Variants in KIRREL3 observed in about 807,000 individuals in gnomAD.
KIRREL3 encodes the protein kin of IRRE-like protein 3.
Under a neutral mutation model 89.7 loss-of-function variants are expected in KIRREL3, and 36 were observed. That is an observed-to-expected ratio of 0.40 (90% CI 0.31 to 0.53). The LOEUF is 0.53. Among genes scored for constraint, KIRREL3 ranks in the 20% least tolerant of loss-of-function variants. KIRREL3 has a pLI of 0.49. For missense variants in KIRREL3, 864 were observed against 1,056.6 expected, an observed-to-expected ratio of 0.82 and a Z score of 2.53; for synonymous variants, 445 against 441.4, an observed-to-expected ratio of 1.01 and a Z score of -0.10.
rs1458105635 is a variant in KIRREL3, at chr11:126,867,165, G to T, written c.55+133290C>A. On this transcript the variant is annotated intron_variant, in intron 1 of 16. Coordinates refer to ENST00000525144, the MANE Select transcript of KIRREL3 (RefSeq NM_032531.4). This position sits in a 1 kb window ranked among gnomAD's most constrained non-coding sequence, Gnocchi z 4.7. ...GCCCAAAAAACGTTCCCCACAATCT[G>T]CCTGTCTGCCTGCTCCCCCCAGGGG... 6.6e-6 allele frequency among the ~76,000 whole-genome samples: 1 copy of T among 152,206 alleles called. No homozygotes were observed. The highest frequency in any genetic ancestry group is 2.4e-5 in the African/African-American group (1 of 41,452).
rs1939858088 is a variant in KIRREL3, at chr11:126,558,318, C to T, written c.133+4517G>A. Among the ~76,000 whole-genome samples the T allele has an allele frequency of 1.3e-5, 2 of 152,240 alleles. No homozygotes were observed. The highest frequency in any genetic ancestry group is 4.8e-5 in the African/African-American group (2 of 41,472). On this transcript the variant is annotated intron_variant, in intron 2 of 16. Coordinates refer to ENST00000525144, the MANE Select transcript of KIRREL3 (RefSeq NM_032531.4). This position sits in a 1 kb window ranked among gnomAD's most constrained non-coding sequence, Gnocchi z 4.0. The stretch of plus-strand genomic sequence containing the variant: ...CTGTGTCCCTCACTCCAGGTCTCCC[C>T]TGATTTTCTGCAAATCAACTCAAGT...
At position 126,837,495 on chromosome 11, in the gene KIRREL3, C is replaced by A. The variant is rs1464567366; in HGVS notation, c.55+162960G>T. On this transcript the variant is annotated intron_variant, in intron 1 of 16. Coordinates refer to ENST00000525144, the MANE Select transcript of KIRREL3 (RefSeq NM_032531.4). This position sits in a 1 kb window ranked among gnomAD's most constrained non-coding sequence, Gnocchi z 4.7. ...AGTCTCTATCATGGAATTACTTCCACAATAATTACGAGGGAATCGGATCTT... is the reference window on the plus strand; with the variant it reads ...AGTCTCTATCATGGAATTACTTCCAAAATAATTACGAGGGAATCGGATCTT... 6.6e-6 allele frequency among the ~76,000 whole-genome samples: 1 copy of A among 152,148 alleles called. No individual in the cohort carries two copies. Among genetic ancestry groups the A allele is most frequent in the Non-Finnish European group, 1.5e-5 (1 of 68,024 alleles).
At chr11:126,618,162 C>T (rs962594668) in intron 1 of KIRREL3, among the ~76,000 whole-genome samples, 2 of 152,192 alleles carry the variant, frequency 1.3e-5, no homozygotes, top group Non-Finnish European at 1.5e-5. Flanking sequence ...TGAGACATCT[C>T]GCTTCTCCTA....
intron 1 of KIRREL3, among the ~76,000 whole-genome samples, chr11:126,737,801 C>T (rs1045631204): frequency 7.9e-5 from 12 of 152,154 alleles, no homozygotes; most frequent in Non-Finnish European, 1.8e-4. Context: ...AAGTATACAA[C>T]ATGTAATGGT....
chr11:126,448,966 T>C (rs1400490780), intron 8 of KIRREL3, 43 bp downstream of exon 8: 2 of 1,560,842 alleles, frequency 1.3e-6, no homozygotes, highest in Non-Finnish European at 1.7e-6. Context: ...CAGAAACCAG[T>C]GGATGCCTGC....
In KIRREL3 at chr11:126,568,327, T is replaced by A. The variant is rs115465970; in HGVS notation, c.56-5415A>T. 6.4e-3 allele frequency among the ~76,000 whole-genome samples: 960 copies of A among 150,344 alleles called. 16 individuals carry two copies. Among genetic ancestry groups the A allele is most frequent in the African/African-American group, 0.022 (916 of 41,504 alleles). ...ATGAGCTCAGAGAAGGGAGGCTGGC[T>A]GGGAGACCGCTGCCATACTCCAGGT... On this transcript the variant is annotated intron_variant, in intron 1 of 16. Transcript: ENST00000525144. This position sits in a 1 kb window ranked among gnomAD's most constrained non-coding sequence, Gnocchi z 4.6.
chr11:126,990,106 T>G lies in KIRREL3; in HGVS notation c.55+10349A>C, dbSNP rs866683269. Among the ~76,000 whole-genome samples, 11 of 152,054 alleles carry G rather than the reference T, an allele frequency of 7.2e-5. No individual in the cohort carries two copies. Among genetic ancestry groups the G allele is most frequent in the Admixed American group, 2.0e-4 (3 of 15,272 alleles). On this transcript the variant is annotated intron_variant, in intron 1 of 16. Transcript: ENST00000525144. This position sits in a 1 kb window ranked among gnomAD's most constrained non-coding sequence, Gnocchi z 6.3. ...CAGGGGGCACAGGCCTGGAGGCGGC[T>G]CTAGGGAGAGGTAGGGGCTCTGGGC...
chr11:126,908,526 T>C lies in KIRREL3; in HGVS notation c.55+91929A>G, dbSNP rs1946676558. On this transcript the variant is annotated intron_variant, in intron 1 of 16. Transcript: ENST00000525144. The surrounding 1 kb of genome is among the most constrained non-coding windows in gnomAD (Gnocchi z 4.2). ...GGTTGTTGTAAAGGTTAATTGTAAT[T>C]ATTATATAAAATACCTAGAACAGGG... 1.3e-5 allele frequency among the ~76,000 whole-genome samples: 2 copies of C among 152,202 alleles called. No homozygotes were observed. The highest frequency in any genetic ancestry group is 6.5e-5 in the Admixed American group (1 of 15,280).
chr11:126,578,536 G>A lies in KIRREL3; in HGVS notation c.56-15624C>T. ...AGAACTTGGGGTGTGGCGTGTCCCT[G>A]TGGGTGGACACATTGTGAACAGTAA... On this transcript the variant is annotated intron_variant, in intron 1 of 16. Coordinates refer to ENST00000525144, the MANE Select transcript of KIRREL3 (RefSeq NM_032531.4). The surrounding 1 kb of genome is among the most constrained non-coding windows in gnomAD (Gnocchi z 4.9). 1.3e-5 allele frequency among the ~76,000 whole-genome samples: 2 copies of A among 152,314 alleles called. No individual in the cohort carries two copies. Among genetic ancestry groups the A allele is most frequent in the East Asian group, 3.9e-4 (2 of 5,176 alleles).
rs1326411266 is a variant in KIRREL3 at position 126,569,737 on chromosome 11, G to A, written c.56-6825C>T. Among the ~76,000 whole-genome samples, 1 of 152,174 alleles carries A rather than the reference G, an allele frequency of 6.6e-6. No homozygotes were observed. Among genetic ancestry groups the A allele is most frequent in the Non-Finnish European group, 1.5e-5 (1 of 68,038 alleles). ...CAGCTTCAGGCTGTGGGATGGTGAG[G>A]GAGGTCCTTGCAAAAGGCCTTGAAA... On this transcript the variant is annotated intron_variant, in intron 1 of 16. Coordinates refer to ENST00000525144, the MANE Select transcript of KIRREL3 (RefSeq NM_032531.4). This position sits in a 1 kb window ranked among gnomAD's most constrained non-coding sequence, Gnocchi z 6.5.
rs571016284 is a variant in KIRREL3, at chr11:126,757,014, T to C, written c.56-194102A>G. Among the ~76,000 whole-genome samples the C allele has an allele frequency of 5.3e-5, 8 of 152,244 alleles. No homozygotes were observed. In the South Asian group the frequency reaches 1.7e-3, roughly 32 times the overall value. ...AAATGCGGCTCCAATTCTCACATTT[T>C]TATATGCCATGTTACACACATCATT... is the stretch of plus-strand genomic sequence containing the variant. On this transcript the variant is annotated intron_variant, in intron 1 of 16. Transcript: ENST00000525144.
In KIRREL3 at chr11:126,424,554, C is replaced by G; in HGVS notation, c.*26G>C. On this transcript the variant is annotated 3_prime_UTR_variant, in exon 17 of 17. Coordinates refer to ENST00000525144, the MANE Select transcript of KIRREL3 (RefSeq NM_032531.4). ...AACGTGCCCTGACCTCTTCCCTGGC[C>G]CGTCCCCACCCGCGGTGTGTGATCC... The G allele has an allele frequency of 6.2e-7, 1 of 1,609,022 alleles. No individual in the cohort carries two copies.
At chr11:126,922,466 A>G (rs554198871) in intron 1 of KIRREL3, among the ~76,000 whole-genome samples, 56 of 152,128 alleles carry the variant, frequency 3.7e-4, no homozygotes, top group Non-Finnish European at 6.6e-4. Flanking sequence ...CAAACTCATC[A>G]TCGTGTGCCT....
At chr11:126,581,583 TG>T (rs1941557527) in intron 1 of KIRREL3, among the ~76,000 whole-genome samples, 1 of 151,986 alleles carries the variant, frequency 6.6e-6, no homozygotes, top group African/African-American at 2.4e-5. Context: ...CAAGACATTT[TG>T]ATAAAAGCAT....
At chr11:126,862,108 T>C (rs768604770) in intron 1 of KIRREL3, among the ~76,000 whole-genome samples, 4 of 152,128 alleles carry the variant, frequency 2.6e-5, no homozygotes, top group Non-Finnish European at 4.4e-5. Flanking sequence ...AGGGAGGAAA[T>C]TGAAAAGACA....
At chr11:126,633,602 A>G (rs1944140759) in intron 1 of KIRREL3, among the ~76,000 whole-genome samples, 1 of 152,140 alleles carries the variant, frequency 6.6e-6, no homozygotes, top group Admixed American at 6.5e-5. Flanking sequence ...CCCTTCTGCC[A>G]TGAGCGGAAG....
rs758554359 is a variant in KIRREL3, at chr11:126,676,415, T to C, written c.56-113503A>G. On this transcript the variant is annotated intron_variant, in intron 1 of 16. Coordinates refer to ENST00000525144, the MANE Select transcript of KIRREL3 (RefSeq NM_032531.4). This position sits in a 1 kb window ranked among gnomAD's most constrained non-coding sequence, Gnocchi z 4.5. ...ATTCTCTCCTACCCTGGGGCCTCTC[T>C]AGTCCCCCAGGGCCACTGGGCTGGC... is the stretch of plus-strand genomic sequence containing the variant. Among the ~76,000 whole-genome samples, 4 of 152,150 alleles carry C rather than the reference T, an allele frequency of 2.6e-5. No individual in the cohort carries two copies. Among genetic ancestry groups the C allele is most frequent in the African/African-American group, 4.8e-5 (2 of 41,446 alleles).
chr11:126,592,757 G>T (rs1209651235), intron 1 of KIRREL3, among the ~76,000 whole-genome samples: 1 of 152,194 alleles, frequency 6.6e-6, no homozygotes, highest in Non-Finnish European at 1.5e-5. Flanking sequence ...GGCACCAGTC[G>T]CAGGTAAGGC....
chr11:126,616,856 GGT>G (rs1267704467), intron 1 of KIRREL3, among the ~76,000 whole-genome samples: 1 of 152,138 alleles, frequency 6.6e-6, no homozygotes, highest in African/African-American at 2.4e-5. Context: ...TGCCCAGGCT[GGT>G]CTTGAACTCC....
Sources: allele counts gnomAD v4.1 joint callset (sites outside exome capture counted in the v4.1 genomes callset), GRCh38; gene constraint gnomAD v4.1.1; non-coding constraint Gnocchi (gnomAD v3.1); transcripts MANE v1.5; gene names NCBI Gene and HGNC (gene_info 2026-07-23, HGNC 2026-07-21).